Variants in ARMC2 observed in about 807,000 individuals in gnomAD.
ARMC2 encodes armadillo repeat-containing protein 2.
A neutral mutation model predicts 90.3 loss-of-function variants in ARMC2; 67 were observed. That is an observed-to-expected ratio of 0.74 (90% confidence interval 0.61 to 0.91). The LOEUF (loss-of-function observed/expected upper bound fraction) is 0.91, where lower values mean the gene tolerates loss of function less well. Among genes scored for constraint, ARMC2 ranks in the 40% least tolerant of loss-of-function variants. ARMC2 has a pLI of 0.00. For missense variants in ARMC2, 920 were observed against 1,030.9 expected (o/e 0.89, Z 1.47); for synonymous variants, 393 against 393.0 (o/e 1.00, Z 0.00).
At chr6:108,892,888 C>T (rs2128456188) in intron 5 of ARMC2, among the ~76,000 whole-genome samples, 1 of 152,198 alleles carries the variant, frequency 6.6e-6, no homozygotes, top group East Asian at 1.9e-4. Flanking sequence ...CACTGGGGGG[C>T]TCACTACACA....
In ARMC2 at chr6:108,973,539, C is replaced by A; in HGVS notation, c.*25C>A. The stretch of plus-strand genomic sequence containing the variant: ...ACATGATGCAGATTAACAGTAGAAA[C>A]GAGAACTCACGTCTCCCTCATTCTT... On this transcript the variant is annotated 3_prime_UTR_variant, in exon 18 of 18. Transcript: ENST00000392644. 1.3e-6 allele frequency: 2 copies of A among 1,574,968 alleles called. No homozygotes were observed. The highest frequency in any genetic ancestry group is 1.7e-6 in the Non-Finnish European group (2 of 1,155,562).
chr6:108,961,526 A>G (rs372403271), intron 13 of ARMC2, 46 bp from the exon 14 acceptor site: 126 of 1,541,664 alleles, frequency 8.2e-5, no homozygotes, highest in Non-Finnish European at 1.0e-4. Context: ...AGTTGGTTCT[A>G]CTCCTGCAGT....
At chr6:109,016,399 T>C in the ARMC2 span, among the ~76,000 whole-genome samples, 2 of 152,178 alleles carry the variant, frequency 1.3e-5, no homozygotes, top group Non-Finnish European at 2.9e-5. Flanking sequence ...TCCTTTTTGA[T>C]AATCTTTAGT....
the ARMC2 span, among the ~76,000 whole-genome samples, chr6:109,044,792 G>C: frequency 6.6e-6 from 1 of 152,150 alleles, no homozygotes; most frequent in Non-Finnish European, 1.5e-5. Flanking sequence ...GGGAGGTCGA[G>C]GAGGGCAGAT....
downstream of ARMC2, among the ~76,000 whole-genome samples, chr6:108,976,857 C>G (rs555548000): frequency 1.3e-5 from 2 of 152,304 alleles, no homozygotes; most frequent in African/African-American, 4.8e-5. Flanking sequence ...GATTTTGTAT[C>G]TTGAGACTTT....
the ARMC2 span, chr6:109,009,540 A>G: frequency 4.3e-5 from 48 of 1,127,008 alleles, no homozygotes; most frequent in Non-Finnish European, 4.9e-5. Flanking sequence ...GCAGCGCCTC[A>G]GTCAGCACGG....
rs554955871 is a variant in ARMC2, at chr6:108,908,099, T to C, written c.1024-2800T>C. Among the ~76,000 whole-genome samples the C allele has an allele frequency of 1.6e-3, 242 of 151,934 alleles. 1 individual carries two copies. The highest frequency in any genetic ancestry group is 5.5e-3 in the African/African-American group (230 of 41,470). On this transcript the variant is annotated intron_variant, in intron 8 of 17. Transcript: ENST00000392644. The stretch of plus-strand genomic sequence containing the variant: ...GACTTCACTGTGCACATGCATCCCC[T>C]GGGGATCTTGTAAAATGCAGATTCT...
chr6:108,930,551 C>T (rs947574035), intron 11 of ARMC2, among the ~76,000 whole-genome samples: 4 of 145,530 alleles, frequency 2.7e-5, no homozygotes, highest in African/African-American at 1.0e-4. Context: ...TTTTTTTTCT[C>T]ATTAGTGGGT....
At chr6:108,871,241 A>T (rs1776382229) in intron 4 of ARMC2, among the ~76,000 whole-genome samples, 1 of 152,040 alleles carries the variant, frequency 6.6e-6, no homozygotes, top group Non-Finnish European at 1.5e-5. Flanking sequence ...CAGAATATGG[A>T]AAACACACCC....
chr6:108,901,929 G>A (rs929526766), intron 7 of ARMC2, among the ~76,000 whole-genome samples: 2 of 152,202 alleles, frequency 1.3e-5, no homozygotes, highest in Non-Finnish European at 2.9e-5. Flanking sequence ...CCCGCAAATT[G>A]GGTTTGTCTG....
At chr6:109,042,068 A>G in the ARMC2 span, among the ~76,000 whole-genome samples, 2 of 152,136 alleles carry the variant, frequency 1.3e-5, no homozygotes, top group Non-Finnish European at 2.9e-5. Context: ...GGAAGCCTGG[A>G]CACATTTGCA....
the ARMC2 span, among the ~76,000 whole-genome samples, chr6:109,046,246 G>A: frequency 4.0e-5 from 6 of 151,136 alleles, no homozygotes; most frequent in South Asian, 2.1e-4. Context: ...GGCACGCGCC[G>A]CCACGCCTGA....
At chr6:108,927,509 C>G (rs935044958) in intron 10 of ARMC2, among the ~76,000 whole-genome samples, 3 of 151,714 alleles carry the variant, frequency 2.0e-5, no homozygotes, top group Admixed American at 6.6e-5. Flanking sequence ...CTCTTCTCTT[C>G]TTGACTCTTT....
At chr6:109,001,610 G>A in the ARMC2 span, 9 of 851,790 alleles carry the variant, frequency 1.1e-5, no homozygotes, top group Non-Finnish European at 1.6e-5. Context: ...TAAGAAAGAG[G>A]GGTTACAAAT....
At chr6:108,903,596 C>T (rs1772373187) in intron 7 of ARMC2, among the ~76,000 whole-genome samples, 1 of 152,130 alleles carries the variant, frequency 6.6e-6, no homozygotes, top group Admixed American at 6.5e-5. Context: ...ACAATATTCT[C>T]ACTGTACCAT....
the ARMC2 span, among the ~76,000 whole-genome samples, chr6:109,008,488 CATTT>C: frequency 6.6e-6 from 1 of 152,150 alleles, no homozygotes; most frequent in Admixed American, 6.5e-5. Flanking sequence ...AAAGTGTCTT[CATTT>C]AAGTTTCTAT....
intron 8 of ARMC2, among the ~76,000 whole-genome samples, chr6:108,905,251 GCC>G (rs1772562069): frequency 6.6e-6 from 1 of 152,160 alleles, no homozygotes; most frequent in Non-Finnish European, 1.5e-5. Flanking sequence ...TAATAAGAAT[GCC>G]ACCTTTTCTT....
chr6:108,916,703 C>T (rs778086726), intron 10 of ARMC2, among the ~76,000 whole-genome samples: 35 of 152,264 alleles, frequency 2.3e-4, no homozygotes, highest in Non-Finnish European at 4.3e-4. Context: ...AGGGACTTGT[C>T]AGTGTTGCTC....
At chr6:108,981,737 G>A in the ARMC2 span, among the ~76,000 whole-genome samples, 3 of 151,446 alleles carry the variant, frequency 2.0e-5, no homozygotes, top group Admixed American at 6.6e-5. Context: ...GCATGATCTC[G>A]GCTCACTGCA....
Sources: gnomAD v4.1 joint callset for allele counts (sites outside exome capture counted in the v4.1 genomes callset) on GRCh38, gnomAD v4.1.1 for gene constraint, MANE v1.5 for transcripts, NCBI Gene and HGNC (gene_info 2026-07-23, HGNC 2026-07-21) for gene names.